AACS: variants seen among roughly 807,000 people sequenced by gnomAD.
AACS encodes acetoacetyl-CoA synthetase, also known as acetoacetate-CoA ligase.
A neutral mutation model predicts 83.1 loss-of-function variants in AACS; 69 were observed. The observed-to-expected ratio is 0.83, with a 90% CI of 0.68 to 1.01. The LOEUF is 1.01. AACS is among the 50% of genes least tolerant of loss of function. The pLI is 0.00. For missense variants in AACS, 866 were observed against 882.2 expected (o/e 0.98, Z 0.23); for synonymous variants, 333 against 343.4 (o/e 0.97, Z 0.33).
chr12:125,124,434 G>A, intron 10 of AACS: 1 of 503,930 alleles, frequency 2.0e-6, no homozygotes, highest in Admixed American at 3.5e-5. Context: ...AAGATAATGG[G>A]TTCGGGTGAG....
intron 10 of AACS, among the ~76,000 whole-genome samples, chr12:125,118,995 G>A (rs564844527): frequency 6.6e-6 from 1 of 152,368 alleles, no homozygotes; most frequent in Non-Finnish European, 1.5e-5. Context: ...TCCCTCCAGA[G>A]TGAGGGCTGA....
At chr12:125,078,210 G>C in intron 3 of AACS, 1 of 456,264 alleles carries the variant, frequency 2.2e-6, no homozygotes, top group Non-Finnish European at 4.4e-6. Context: ...TGTGCAGTTG[G>C]TAAAGATCAT....
intron 8 of AACS, among the ~76,000 whole-genome samples, chr12:125,108,335 C>T (rs1488254838): frequency 2.6e-5 from 4 of 152,188 alleles, no homozygotes; most frequent in East Asian, 1.9e-4. Context: ...GCTCTGTCCT[C>T]GTGTGATCTT....
intron 10 of AACS, 47 bp downstream of exon 10, chr12:125,118,812 G>A (rs943468383): frequency 6.2e-7 from 1 of 1,605,858 alleles, no homozygotes; most frequent in East Asian, 2.2e-5. Context: ...GGCAGCACCA[G>A]GAAGGCTCCT....
At chr12:125,083,556 AT>A (rs1956255451) in intron 3 of AACS, among the ~76,000 whole-genome samples, 1 of 150,964 alleles carries the variant, frequency 6.6e-6, no homozygotes, top group Non-Finnish European at 1.5e-5. Context: ...TTTTTTTTTA[AT>A]TTTTTTCTGT....
At chr12:125,083,654 T>A (rs1248852341) in intron 3 of AACS, among the ~76,000 whole-genome samples, 2 of 151,944 alleles carry the variant, frequency 1.3e-5, no homozygotes, top group Non-Finnish European at 2.9e-5. Flanking sequence ...GTGAATTTTT[T>A]TGTTTGTTTG....
intron 5 of AACS, among the ~76,000 whole-genome samples, chr12:125,096,756 G>A: frequency 6.6e-6 from 1 of 152,120 alleles, no homozygotes; most frequent in Non-Finnish European, 1.5e-5. Context: ...ACTTAGTTAA[G>A]TGGACGTGGT....
chr12:125,113,265 G>A lies in AACS; in HGVS notation c.916-1212G>A, dbSNP rs1437164624. On this transcript the variant is annotated intron_variant, in intron 8 of 17. Transcript: ENST00000316519. The surrounding 1 kb of genome is among the most constrained non-coding windows in gnomAD (Gnocchi z 4.8). Reference sequence around the variant, plus strand: ...GTATAATGAGGGCCTTCATGGCTGGGTTTTAATATATAAGTCCTTGCTTCA... The same window carrying A: ...GTATAATGAGGGCCTTCATGGCTGGATTTTAATATATAAGTCCTTGCTTCA... Among the ~76,000 whole-genome samples, 1 of 152,210 alleles carries A rather than the reference G, an allele frequency of 6.6e-6. No homozygotes were observed. The highest frequency in any genetic ancestry group is 1.5e-5 in the Non-Finnish European group (1 of 68,028).
rs187205088 is a variant in AACS, at chr12:125,076,464, G to A, written c.238-27G>A. ...CTGTAGCGTAGTCTCATGTGTGTGC[G>A]TCTTGGTTTGTTGTCATTCTCTATA... On this transcript the variant is annotated intron_variant, in intron 2 of 17. Transcript: ENST00000316519. 244 of 1,611,644 alleles carry A rather than the reference G, an allele frequency of 1.5e-4. 2 individuals are homozygous for A. The African/African-American group carries it at 2.5e-3, about 16-fold the overall frequency.
rs377079548 is a variant in AACS, at chr12:125,130,243, C to A, written c.1549+783C>A. On this transcript the variant is annotated intron_variant, in intron 14 of 17. Transcript: ENST00000316519. The surrounding 1 kb of genome is among the most constrained non-coding windows in gnomAD (Gnocchi z 4.9). Reference sequence around the variant, plus strand: ...TTTGCCAGGTATCCTTCCTGCCTTGCGTGTTTGCGTTTCACCGTTAAAGCC... The same window carrying A: ...TTTGCCAGGTATCCTTCCTGCCTTGAGTGTTTGCGTTTCACCGTTAAAGCC... Among the ~76,000 whole-genome samples the A allele has an allele frequency of 2.1e-4, 32 of 152,226 alleles. No individual in the cohort carries two copies. The highest frequency in any genetic ancestry group is 7.2e-4 in the African/African-American group (30 of 41,468).
At chr12:125,107,402 T>C in intron 8 of AACS, 134 bp downstream of exon 8, 1 of 1,234,456 alleles carries the variant, frequency 8.1e-7, no homozygotes, top group Admixed American at 2.2e-5. Flanking sequence ...GCAGCTTCTC[T>C]CCAAGTGGGG....
chr12:125,121,389 C>T (rs1463072928), intron 10 of AACS: 1 of 152,262 alleles, frequency 6.6e-6, no homozygotes, highest in Admixed American at 6.6e-5. Context: ...TGTTTTGTGG[C>T]AAGAGGCATG....
At position 125,142,432 on chromosome 12, in the gene AACS, G is replaced by C. The variant is rs1957515313; in HGVS notation, c.*203G>C. On this transcript the variant is annotated 3_prime_UTR_variant, in exon 18 of 18. Transcript: ENST00000316519. ...CACACGAGTGGGATTCTGGCCTTCA[G>C]AGACCAGGAGGGAGTGTCTGGGCCG... is the stretch of plus-strand genomic sequence containing the variant. 1.5e-6 allele frequency: 1 copy of C among 684,490 alleles called. No homozygotes were observed. The highest frequency in any genetic ancestry group is 2.4e-6 in the Non-Finnish European group (1 of 421,704). The allele number at this position is 684,490 out of a possible 1,614,324, so 42.4% of individuals were successfully genotyped here.
chr12:125,128,135 G>C (rs748360836), intron 12 of AACS, 26 bp from the exon 13 acceptor site: 21 of 1,562,710 alleles, frequency 1.3e-5, no homozygotes, highest in Non-Finnish European at 1.8e-5. Context: ...TCTAAATTTT[G>C]AGTCTCCCTT....
In AACS at chr12:125,134,000, C is replaced by T; in HGVS notation, c.1550-3C>T. On this transcript the variant is annotated splice_polypyrimidine_tract_variant and splice_region_variant and intron_variant, in intron 14 of 17. Transcript: ENST00000316519. ...TGACCGGGCACCTCTGCTGTCTTTGCAGGTATCTGGGCTCATGGCGACTAC... is the reference window on the plus strand; with the variant it reads ...TGACCGGGCACCTCTGCTGTCTTTGTAGGTATCTGGGCTCATGGCGACTAC... 6.2e-7 allele frequency: 1 copy of T among 1,614,166 alleles called. No homozygotes were observed. The highest frequency in any genetic ancestry group is 8.5e-7 in the Non-Finnish European group (1 of 1,180,016).
In AACS at chr12:125,124,815, G is replaced by A. The variant is rs568583813; in HGVS notation, c.1186+46G>A. The A allele has an allele frequency of 1.0e-4, 166 of 1,614,082 alleles. 1 individual carries two copies. The South Asian group carries it at 1.5e-3, about 15-fold the overall frequency. Reference sequence around the variant, plus strand: ...CTCATTCCCTGTACTGCCAATCAAGGAAATTAAATCCATCCTATTTCCTGC... The same window carrying A: ...CTCATTCCCTGTACTGCCAATCAAGAAAATTAAATCCATCCTATTTCCTGC... On this transcript the variant is annotated intron_variant, in intron 11 of 17. Coordinates refer to ENST00000316519, the MANE Select transcript of AACS (RefSeq NM_023928.5).
In AACS at chr12:125,065,572, G is replaced by A; in HGVS notation, c.-13G>A. On this transcript the variant is annotated 5_prime_UTR_variant, in exon 1 of 18. Coordinates refer to ENST00000316519, the MANE Select transcript of AACS (RefSeq NM_023928.5). ...CCCAGCCCTCGTCGCAGCCCCGGCC[G>A]CCCGCCGCCGCCATGTCCAAGGAGG... 3 of 1,459,640 alleles carry A rather than the reference G, an allele frequency of 2.1e-6. No homozygotes were observed. The highest frequency in any genetic ancestry group is 2.7e-6 in the Non-Finnish European group (3 of 1,099,712). 90.4% of individuals were successfully genotyped at this position (1,459,640 alleles called of 1,614,324 possible).
rs1384554 is a variant in AACS at position 125,094,972 on chromosome 12, G to C, written c.570+3449G>C. 0.029 allele frequency among the ~76,000 whole-genome samples: 4,245 copies of C among 145,452 alleles called. 134 individuals carry two copies. Among genetic ancestry groups the C allele is most frequent in the East Asian group, 0.095 (474 of 4,968 alleles). On this transcript the variant is annotated intron_variant, in intron 5 of 17. Coordinates refer to ENST00000316519, the MANE Select transcript of AACS (RefSeq NM_023928.5). The surrounding 1 kb of genome is among the most constrained non-coding windows in gnomAD (Gnocchi z 4.1). ...GCCTTGTCCTCCTGAAGTGCCATCAGGTGGCCGTGTGTGTGTGTGTGTGTG... is the reference window on the plus strand; with the variant it reads ...GCCTTGTCCTCCTGAAGTGCCATCACGTGGCCGTGTGTGTGTGTGTGTGTG...
intron 2 of AACS, among the ~76,000 whole-genome samples, chr12:125,075,268 C>T (rs954610528): frequency 7.9e-5 from 12 of 151,590 alleles, no homozygotes; most frequent in African/African-American, 9.7e-5. Flanking sequence ...CCACCGTGCC[C>T]GGCATTAGTT....
Sources: gnomAD v4.1 joint callset for allele counts (sites outside exome capture counted in the v4.1 genomes callset) on GRCh38, gnomAD v4.1.1 for gene constraint, Gnocchi (gnomAD v3.1) non-coding constraint, MANE v1.5 for transcripts, NCBI Gene and HGNC (gene_info 2026-07-23, HGNC 2026-07-21) for gene names.